Variants in PXDNL observed in about 807,000 individuals in gnomAD.
PXDNL encodes the protein probable oxidoreductase PXDNL.
Under a neutral mutation model 150.8 loss-of-function variants are expected in PXDNL, and 145 were observed. That is an observed-to-expected ratio of 0.96 (90% CI 0.84 to 1.10). PXDNL has a LOEUF of 1.10. PXDNL is among the 50% of genes least tolerant of loss of function. The pLI is 0.00. For synonymous variants in PXDNL, 757 were observed against 725.7 expected, an observed-to-expected ratio of 1.04 and a Z score of -0.69; for missense variants, 2,087 against 1,873.9, an observed-to-expected ratio of 1.11 and a Z score of -2.10.
At chr8:51,481,566 A>T (rs1035268609) in intron 6 of PXDNL, among the ~76,000 whole-genome samples, 1 of 152,212 alleles carries the variant, frequency 6.6e-6, no homozygotes, top group African/African-American at 2.4e-5. Flanking sequence ...GGTATGTCAG[A>T]GACCTTCACA....
intron 8 of PXDNL, among the ~76,000 whole-genome samples, chr8:51,468,257 C>G (rs1241051078): frequency 6.6e-6 from 1 of 151,814 alleles, no homozygotes; most frequent in African/African-American, 2.4e-5. Context: ...ATTGGATTTC[C>G]GTAAATACAT....
intron 21 of PXDNL, among the ~76,000 whole-genome samples, chr8:51,338,022 T>C (rs899161363): frequency 9.3e-5 from 14 of 151,208 alleles, no homozygotes; most frequent in Admixed American, 6.6e-4. Context: ...CTACTAAAAA[T>C]ACAAAAATTA....
intron 2 of PXDNL, among the ~76,000 whole-genome samples, chr8:51,643,944 C>G (rs908934592): frequency 1.3e-5 from 2 of 151,872 alleles, no homozygotes; most frequent in Admixed American, 1.3e-4. Flanking sequence ...AAAAAATGCT[C>G]ATCATCACTG....
At chr8:51,326,891 T>C (rs1197138344) in intron 21 of PXDNL, among the ~76,000 whole-genome samples, 2 of 152,156 alleles carry the variant, frequency 1.3e-5, no homozygotes, top group South Asian at 2.1e-4. Flanking sequence ...TAACTAGTTA[T>C]GATAAAGTCA....
intron 8 of PXDNL, among the ~76,000 whole-genome samples, chr8:51,470,218 T>C (rs578139337): frequency 2.6e-5 from 4 of 152,240 alleles, no homozygotes; most frequent in African/African-American, 4.8e-5. Flanking sequence ...CTTCTATCAA[T>C]TGAAGTCTTT....
At chr8:51,507,093 T>C (rs901611631) in intron 4 of PXDNL, among the ~76,000 whole-genome samples, 1 of 152,156 alleles carries the variant, frequency 6.6e-6, no homozygotes, top group East Asian at 1.9e-4. Context: ...TGAGTGCCCG[T>C]GAAGTGTGAG....
At chr8:51,527,015 T>C (rs1364123409) in intron 4 of PXDNL, among the ~76,000 whole-genome samples, 1 of 152,240 alleles carries the variant, frequency 6.6e-6, no homozygotes, top group Non-Finnish European at 1.5e-5. Flanking sequence ...CTGTGGCTTC[T>C]ACCTTCTTCA....
At chr8:51,607,542 G>A (rs1166581737) in intron 2 of PXDNL, among the ~76,000 whole-genome samples, 1 of 152,032 alleles carries the variant, frequency 6.6e-6, no homozygotes, top group Non-Finnish European at 1.5e-5. Context: ...GCTTGGCACT[G>A]TAAGAAAGCA....
At chr8:51,478,900 C>T (rs1178332339) in intron 6 of PXDNL, among the ~76,000 whole-genome samples, 6 of 152,182 alleles carry the variant, frequency 3.9e-5, no homozygotes. Flanking sequence ...GAGCAGGTTG[C>T]TCAAATCATC....
At chr8:51,781,767 G>A (rs1447116186) in intron 1 of PXDNL, among the ~76,000 whole-genome samples, 2 of 152,146 alleles carry the variant, frequency 1.3e-5, no homozygotes, top group East Asian at 1.9e-4. Flanking sequence ...ATGAGCTCAC[G>A]AACTCATTGA....
intron 12 of PXDNL, among the ~76,000 whole-genome samples, chr8:51,431,199 A>T (rs1809238216): frequency 6.6e-6 from 1 of 152,128 alleles, no homozygotes. Flanking sequence ...CACCTGAGTG[A>T]TCTTAAATTA....
chr8:51,436,291 G>C, intron 12 of PXDNL: 1 of 487,178 alleles, frequency 2.1e-6, no homozygotes, highest in Admixed American at 2.3e-5. Flanking sequence ...TGTTGCTCTT[G>C]TAGAAATAGG....
At chr8:51,540,898 G>A (rs1422463827) in intron 4 of PXDNL, among the ~76,000 whole-genome samples, 1 of 151,466 alleles carries the variant, frequency 6.6e-6, no homozygotes, top group Non-Finnish European at 1.5e-5. Context: ...GGTAATTTTT[G>A]ACTGGATGAT....
chr8:51,651,353 G>A (rs1324795467), intron 2 of PXDNL, among the ~76,000 whole-genome samples: 1 of 152,168 alleles, frequency 6.6e-6, no homozygotes, highest in Non-Finnish European at 1.5e-5. Flanking sequence ...AATGTACAAA[G>A]CAATTATCAT....
At chr8:51,526,274 C>T (rs1436137531) in intron 4 of PXDNL, among the ~76,000 whole-genome samples, 1 of 152,084 alleles carries the variant, frequency 6.6e-6, no homozygotes, top group East Asian at 1.9e-4. Context: ...CAGAGCATAT[C>T]AGCAACAGAA....
At chr8:51,766,006 C>T (rs951103569) in intron 1 of PXDNL, among the ~76,000 whole-genome samples, 1 of 151,976 alleles carries the variant, frequency 6.6e-6, no homozygotes, top group Admixed American at 6.6e-5. Flanking sequence ...ACCATGCCCG[C>T]CTAATTTTTT....
At chr8:51,458,380 G>A (rs1586123453) in intron 8 of PXDNL, among the ~76,000 whole-genome samples, 1 of 152,042 alleles carries the variant, frequency 6.6e-6, no homozygotes, top group African/African-American at 2.4e-5. Flanking sequence ...TACTGACACA[G>A]AAACATATGT....
chr8:51,759,842 C>T (rs543537278), intron 1 of PXDNL, among the ~76,000 whole-genome samples: 1 of 152,288 alleles, frequency 6.6e-6, no homozygotes, highest in African/African-American at 2.4e-5. Flanking sequence ...TGCTTGGTGA[C>T]AGGGTTGTTA....
chr8:51,517,055 A>G (rs1811556244), intron 4 of PXDNL, among the ~76,000 whole-genome samples: 1 of 152,230 alleles, frequency 6.6e-6, no homozygotes, highest in South Asian at 2.1e-4. Flanking sequence ...ACAAATAAGT[A>G]GAACACTAGT....
Sources: gnomAD v4.1 joint callset for allele counts (sites outside exome capture counted in the v4.1 genomes callset) on GRCh38, gnomAD v4.1.1 for gene constraint, MANE v1.5 for transcripts, NCBI Gene and HGNC (gene_info 2026-07-23, HGNC 2026-07-21) for gene names.